CSMD1: variants seen among roughly 807,000 people sequenced by gnomAD.
CSMD1 encodes the protein CUB and sushi domain-containing protein 1.
A neutral mutation model predicts 417.5 loss-of-function variants in CSMD1; 213 were observed. The observed-to-expected ratio is 0.51, with a 90% CI of 0.46 to 0.57. CSMD1 has a LOEUF of 0.57. CSMD1 is among the 20% of genes least tolerant of loss of function. CSMD1 has a pLI of 0.00. For missense variants in CSMD1, 6,923 were observed against 4,529.7 expected (o/e 1.53, Z -15.17); for synonymous variants, 2,862 against 1,736.8 (o/e 1.65, Z -16.11).
chr8:3,997,001 A>C (rs963123999), intron 5 of CSMD1, among the ~76,000 whole-genome samples: 2 of 152,154 alleles, frequency 1.3e-5, no homozygotes, highest in Non-Finnish European at 2.9e-5. Flanking sequence ...CACTCATTCC[A>C]TATTCCCCTC....
intron 2 of CSMD1, among the ~76,000 whole-genome samples, chr8:4,609,107 G>A (rs1337752577): frequency 1.3e-5 from 2 of 152,110 alleles, no homozygotes; most frequent in Non-Finnish European, 2.9e-5. Context: ...TCATCCTCAA[G>A]ATGAAATACT....
intron 40 of CSMD1, among the ~76,000 whole-genome samples, chr8:3,144,403 C>T (rs767829055): frequency 1.1e-4 from 17 of 151,804 alleles, no homozygotes; most frequent in Non-Finnish European, 1.8e-4. Context: ...AAAAATAGAA[C>T]GTGAAAAACT....
rs181134102 is a variant in CSMD1 at position 3,762,945 on chromosome 8, T to G, written c.819-8903A>C. Among the ~76,000 whole-genome samples the G allele has an allele frequency of 7.1e-3, 1,079 of 150,930 alleles. 9 individuals are homozygous for G. The highest frequency in any genetic ancestry group is 9.3e-3 in the Non-Finnish European group (630 of 68,036). On this transcript the variant is annotated intron_variant, in intron 5 of 69. Transcript: ENST00000635120. ...CCTACGCCCCACAGAGTGTTCTTTC[T>G]GCTCATCCCCCAACTCTCTTCAGAT...
At chr8:3,914,486 A>AGT (rs1808678460) in intron 5 of CSMD1, among the ~76,000 whole-genome samples, 1 of 152,226 alleles carries the variant, frequency 6.6e-6, no homozygotes, top group African/African-American at 2.4e-5. Context: ...GAGTAAGGAC[A>AGT]GTGTGTGTGC....
At chr8:4,464,500 C>A (rs1800034784) in intron 2 of CSMD1, among the ~76,000 whole-genome samples, 1 of 152,156 alleles carries the variant, frequency 6.6e-6, no homozygotes, top group South Asian at 2.1e-4. Flanking sequence ...TTTATAATAA[C>A]ACATTGAGTA....
At chr8:3,817,533 C>G (rs920872503) in intron 5 of CSMD1, among the ~76,000 whole-genome samples, 2 of 151,978 alleles carry the variant, frequency 1.3e-5, no homozygotes, top group Admixed American at 6.6e-5. Context: ...CCCACCTCAG[C>G]CTCCCAAAGC....
intron 5 of CSMD1, among the ~76,000 whole-genome samples, chr8:3,845,226 G>T (rs961946336): frequency 6.6e-6 from 1 of 152,208 alleles, no homozygotes; most frequent in Admixed American, 6.5e-5. Flanking sequence ...TAACAATGGA[G>T]ATACATTTTG....
chr8:3,961,208 A>G (rs1046501884), intron 5 of CSMD1, among the ~76,000 whole-genome samples: 2 of 152,184 alleles, frequency 1.3e-5, no homozygotes, highest in African/African-American at 4.8e-5. Context: ...CATTGTCTCA[A>G]TTAAGGAGAT....
chr8:3,011,555 G>T (rs77918272), intron 52 of CSMD1, among the ~76,000 whole-genome samples: 1,656 of 152,150 alleles, frequency 0.011, 33 homozygotes, highest in African/African-American at 0.038. Context: ...CCATTATATT[G>T]CATTTACAGA....
chr8:4,788,976 C>T (rs566533639), intron 1 of CSMD1, among the ~76,000 whole-genome samples: 41 of 152,230 alleles, frequency 2.7e-4, no homozygotes, highest in Non-Finnish European at 4.7e-4. Flanking sequence ...GATCAGACAG[C>T]ACTTAAATTC....
intron 2 of CSMD1, among the ~76,000 whole-genome samples, chr8:4,485,487 C>T (rs1022354606): frequency 6.6e-6 from 1 of 152,144 alleles, no homozygotes; most frequent in African/African-American, 2.4e-5. Context: ...GGGCAGCAAG[C>T]CTGCTTCTTC....
chr8:4,254,635 T>C (rs1803322231), intron 3 of CSMD1, among the ~76,000 whole-genome samples: 1 of 152,136 alleles, frequency 6.6e-6, no homozygotes, highest in Admixed American at 6.5e-5. Context: ...GCCTGCAAGA[T>C]TTATCTGTGG....
chr8:4,236,055 T>TTTTTTTTTTTTTTTATTTTG (rs1802038108), intron 3 of CSMD1, among the ~76,000 whole-genome samples: 1 of 83,750 alleles, frequency 1.2e-5, no homozygotes, highest in Non-Finnish European at 2.6e-5. Context: ...TTTTTTTTTT[T>TTTTTTTTTTTTTTTATTTTG]TTTTTTTTTT....
chr8:3,059,229 T>C (rs918804810), intron 49 of CSMD1, among the ~76,000 whole-genome samples: 5 of 140,364 alleles, frequency 3.6e-5, no homozygotes, highest in African/African-American at 1.3e-4. Flanking sequence ...AAAAGTAACA[T>C]AAGAAGCAGG....
chr8:4,584,399 C>T (rs1055199086), intron 2 of CSMD1, among the ~76,000 whole-genome samples: 1 of 152,060 alleles, frequency 6.6e-6, no homozygotes, highest in African/African-American at 2.4e-5. Flanking sequence ...TCCTATTTTT[C>T]ATTAGAATTC....
chr8:4,463,526 T>C (rs1319224222), intron 2 of CSMD1, among the ~76,000 whole-genome samples: 1 of 152,064 alleles, frequency 6.6e-6, no homozygotes, highest in African/African-American at 2.4e-5. Flanking sequence ...AGTCAACCGA[T>C]GAAAAAACAT....
chr8:4,955,859 T>C (rs1350614488), intron 1 of CSMD1, among the ~76,000 whole-genome samples: 1 of 152,208 alleles, frequency 6.6e-6, no homozygotes, highest in Non-Finnish European at 1.5e-5. Context: ...TGCCAATCAG[T>C]ATCTTTCCCC....
At chr8:4,590,054 T>G in intron 2 of CSMD1, among the ~76,000 whole-genome samples, 1 of 152,226 alleles carries the variant, frequency 6.6e-6, no homozygotes, top group East Asian at 1.9e-4. Flanking sequence ...TTACATTTAT[T>G]TATTTTGTGG....
chr8:3,277,937 C>T (rs1301642831), intron 26 of CSMD1, among the ~76,000 whole-genome samples: 1 of 152,104 alleles, frequency 6.6e-6, no homozygotes, highest in Non-Finnish European at 1.5e-5. Context: ...ACATGAAAAG[C>T]TGAGTAAAAG....
Sources: allele counts gnomAD v4.1 joint callset (sites outside exome capture counted in the v4.1 genomes callset), GRCh38; gene constraint gnomAD v4.1.1; transcripts MANE v1.5; gene names NCBI Gene and HGNC (gene_info 2026-07-23, HGNC 2026-07-21).